The following TRAPPC9 variants were observed in gnomAD, a reference collection of about 807,000 sequenced individuals.
TRAPPC9 encodes the protein trafficking protein particle complex subunit 9.
In TRAPPC9, 83 loss-of-function variants were observed where a neutral mutation model predicts 124.0. That is an observed-to-expected ratio of 0.67 (90% CI 0.56 to 0.80). The LOEUF is 0.80. Among genes scored for constraint, TRAPPC9 ranks in the 30% least tolerant of loss-of-function variants. TRAPPC9 has a pLI of 0.00. For synonymous variants in TRAPPC9, 638 were observed against 617.5 expected (o/e 1.03, Z -0.49); for missense variants, 1,302 against 1,508.3 (o/e 0.86, Z 2.27).
At chr8:140,401,609 T>C (rs2069274078) in intron 6 of TRAPPC9, among the ~76,000 whole-genome samples, 1 of 151,532 alleles carries the variant, frequency 6.6e-6, no homozygotes, top group South Asian at 2.1e-4. Context: ...ACAAAGAGAT[T>C]TAAAATGAAA....
At chr8:140,287,021 A>T (rs1427647767) in intron 13 of TRAPPC9, among the ~76,000 whole-genome samples, 3 of 152,108 alleles carry the variant, frequency 2.0e-5, no homozygotes, top group African/African-American at 7.2e-5. Context: ...ACATCCAGAG[A>T]GGCAGGGTCA....
intron 19 of TRAPPC9, among the ~76,000 whole-genome samples, chr8:139,938,791 GCC>G (rs1833708447): frequency 6.7e-6 from 1 of 150,160 alleles, no homozygotes. Context: ...GACTACAGGC[GCC>G]CGCCACCACG....
chr8:140,382,007 C>G (rs942352213), intron 7 of TRAPPC9, among the ~76,000 whole-genome samples: 1 of 152,208 alleles, frequency 6.6e-6, no homozygotes, highest in African/African-American at 2.4e-5. Flanking sequence ...TTTGTTCCCA[C>G]AAAATACATG....
chr8:140,272,130 C>CAATGATGATGGTGGCGATGGTGAT (rs1450234909), intron 15 of TRAPPC9, among the ~76,000 whole-genome samples: 1 of 100,382 alleles, frequency 1.0e-5, no homozygotes, highest in South Asian at 3.3e-4. Context: ...GTGATGGTGG[C>CAATGATGATGGTGGCGATGGTGAT]GATGGTGATG....
chr8:140,237,578 G>A (rs908216159), intron 16 of TRAPPC9, among the ~76,000 whole-genome samples: 10 of 152,022 alleles, frequency 6.6e-5, no homozygotes, highest in Admixed American at 4.6e-4. Flanking sequence ...CAGAAAAGCT[G>A]GAGAACCACT....
chr8:140,431,309 T>C (rs1286545925), intron 4 of TRAPPC9, among the ~76,000 whole-genome samples: 1 of 151,904 alleles, frequency 6.6e-6, no homozygotes, highest in Non-Finnish European at 1.5e-5. Flanking sequence ...ATATAAAAAC[T>C]AGCCGGGCGT....
intron 18 of TRAPPC9, among the ~76,000 whole-genome samples, chr8:140,021,744 T>C (rs557794250): frequency 1.3e-5 from 2 of 152,346 alleles, no homozygotes; most frequent in Non-Finnish European, 2.9e-5. Flanking sequence ...GGTAAGTGCA[T>C]TATCAGAAGT....
At chr8:140,278,492 AAATT>A (rs2065196933) in intron 14 of TRAPPC9, among the ~76,000 whole-genome samples, 1 of 152,238 alleles carries the variant, frequency 6.6e-6, no homozygotes, top group South Asian at 2.1e-4. Flanking sequence ...TGTATTGAAC[AAATT>A]AATAAGCATC....
At chr8:140,001,975 GA>G (rs1838428091) in intron 18 of TRAPPC9, among the ~76,000 whole-genome samples, 1 of 152,088 alleles carries the variant, frequency 6.6e-6, no homozygotes, top group Non-Finnish European at 1.5e-5. Context: ...AAATCATTCT[GA>G]AAAAGAAATC....
intron 21 of TRAPPC9, among the ~76,000 whole-genome samples, chr8:139,861,997 G>A (rs1189078823): frequency 6.6e-6 from 1 of 152,262 alleles, no homozygotes; most frequent in African/African-American, 2.4e-5. Flanking sequence ...GATCAGCGAA[G>A]CACTACTTGC....
At chr8:140,386,521 AACAG>A (rs1429845402) in intron 7 of TRAPPC9, among the ~76,000 whole-genome samples, 1 of 152,160 alleles carries the variant, frequency 6.6e-6, no homozygotes, top group Non-Finnish European at 1.5e-5. Context: ...ATACACCAAT[AACAG>A]ACAAACAGAG....
At chr8:139,863,501 C>T (rs1015364799) in intron 21 of TRAPPC9, among the ~76,000 whole-genome samples, 5 of 152,312 alleles carry the variant, frequency 3.3e-5, no homozygotes, top group African/African-American at 4.8e-5. Flanking sequence ...AAATCCAGAG[C>T]GTGGAACCTT....
chr8:140,354,950 A>G (rs1489317596), intron 9 of TRAPPC9, among the ~76,000 whole-genome samples: 17 of 152,234 alleles, frequency 1.1e-4, no homozygotes, highest in Admixed American at 1.0e-3. Context: ...GACGACTCCA[A>G]TTAACCAAAT....
intron 18 of TRAPPC9, among the ~76,000 whole-genome samples, chr8:140,006,692 G>A (rs1838775735): frequency 6.6e-6 from 1 of 152,216 alleles, no homozygotes; most frequent in South Asian, 2.1e-4. Flanking sequence ...AATTGTGGTT[G>A]AATCTTGAAA....
intron 19 of TRAPPC9, among the ~76,000 whole-genome samples, chr8:139,954,159 G>A (rs187089579): frequency 6.6e-6 from 1 of 152,294 alleles, no homozygotes; most frequent in East Asian, 1.9e-4. Flanking sequence ...GCGATGATGA[G>A]GGCACAGGGA....
At chr8:140,445,483 A>T (rs1015651243) in intron 2 of TRAPPC9, among the ~76,000 whole-genome samples, 5 of 152,142 alleles carry the variant, frequency 3.3e-5, no homozygotes, top group African/African-American at 1.2e-4. Context: ...GCGGTCCAGG[A>T]GAGCACCTGG....
rs1202410540 is a variant in TRAPPC9, at chr8:139,823,156, T to TG, written c.3055+62722dup. 1.1e-4 allele frequency among the ~76,000 whole-genome samples: 16 copies of TG among 152,194 alleles called. No homozygotes were observed. In the East Asian group the frequency reaches 2.5e-3, roughly 24 times the overall value. ...GGGTTACGGCTGCAACACATAATTT[T>TG]GGGGGGACACATTCAGTTCGGACCA... On this transcript the variant is annotated intron_variant, in intron 21 of 22. Transcript: ENST00000438773.
At chr8:139,743,487 C>G (rs557827431) in intron 21 of TRAPPC9, among the ~76,000 whole-genome samples, 2 of 152,322 alleles carry the variant, frequency 1.3e-5, no homozygotes, top group South Asian at 4.1e-4. Flanking sequence ...CCTGCCTCAG[C>G]TATAATATAT....
At chr8:139,937,317 C>A (rs916354569) in intron 19 of TRAPPC9, among the ~76,000 whole-genome samples, 3 of 152,152 alleles carry the variant, frequency 2.0e-5, no homozygotes, top group African/African-American at 4.8e-5. Flanking sequence ...TGGGTGCGGG[C>A]CCAGAGAGGG....
Sources: gnomAD v4.1 joint callset for allele counts (sites outside exome capture counted in the v4.1 genomes callset) on GRCh38, gnomAD v4.1.1 for gene constraint, MANE v1.5 for transcripts, NCBI Gene and HGNC (gene_info 2026-07-23, HGNC 2026-07-21) for gene names.